The following BPTF variants were observed in gnomAD, a reference collection of about 807,000 sequenced individuals.
BPTF encodes bromodomain PHD finger transcription factor.
Under a neutral mutation model 292.5 loss-of-function variants are expected in BPTF, and 18 were observed. The ratio of observed to expected loss-of-function variants is 0.06; its 90% CI spans 0.04 to 0.09. BPTF has a LOEUF of 0.09. Ranked by LOEUF, BPTF falls within the 10% of genes least tolerant of loss-of-function variation. The pLI is 1.00. For synonymous variants in BPTF, 1,225 were observed against 1,251.9 expected, an observed-to-expected ratio of 0.98 and a Z score of 0.45; for missense variants, 2,726 against 3,498.7, an observed-to-expected ratio of 0.78 and a Z score of 5.57.
At chr17:67,853,609 T>C (rs1368686679) in intron 1 of BPTF, among the ~76,000 whole-genome samples, 1 of 151,930 alleles carries the variant, frequency 6.6e-6, no homozygotes, top group Non-Finnish European at 1.5e-5. Flanking sequence ...TTATTATTAT[T>C]ATTATTATTT....
At chr17:67,875,448 A>G (rs2059996406) in intron 4 of BPTF, 5 of 792,796 alleles carry the variant, frequency 6.3e-6, no homozygotes, top group South Asian at 3.7e-5. Flanking sequence ...TGGCCGTTCA[A>G]TGGAAGCAGG....
chr17:67,827,797 G>T (rs1422096549), intron 1 of BPTF, among the ~76,000 whole-genome samples: 1 of 152,164 alleles, frequency 6.6e-6, no homozygotes, highest in Non-Finnish European at 1.5e-5. Context: ...CTTTTGCCCA[G>T]TGGTCAGAAT....
intron 1 of BPTF, among the ~76,000 whole-genome samples, chr17:67,851,846 T>G (rs79602862): frequency 6.6e-6 from 1 of 152,146 alleles, no homozygotes; most frequent in Admixed American, 6.6e-5. Flanking sequence ...TTTTTTCCAT[T>G]GAGGAGTCTG....
At chr17:67,943,951 A>C (rs190107015) in intron 19 of BPTF, among the ~76,000 whole-genome samples, 199 bp from the exon 20 acceptor site, 1 of 152,280 alleles carries the variant, frequency 6.6e-6, no homozygotes, top group African/African-American at 2.4e-5. Flanking sequence ...CTTGAACTGG[A>C]ACTCTGGATT....
rs776209888 is a variant in BPTF, at chr17:67,826,126, G to A, written c.402G>A (p.Glu134=). 1.4e-6 allele frequency: 2 copies of A among 1,419,786 alleles called. No individual in the cohort carries two copies. The highest frequency in any genetic ancestry group is 9.9e-7 in the Non-Finnish European group (1 of 1,009,560). 87.9% of individuals were successfully genotyped at this position (1,419,786 alleles called of 1,614,324 possible). A position where few individuals can be genotyped will look rare whatever the true frequency, so the allele number is the denominator to read the frequency against. ...ACGATGACCACGAGAGCGAGGAGGA[G>A]GAGGAAGAGGAGGACATGGTCTCCG... is the stretch of plus-strand genomic sequence containing the variant. ...VVYDDHESEE[E]EEEEDMVSEE... The change falls in exon 1 of 28, where the codon GAG becomes GAA. Residue 134 remains glutamate, a synonymous_variant. Transcript: ENST00000306378.
Position 67,891,997 on chromosome 17 carries a change from C to G in BPTF, c.2018C>G (p.Ala673Gly). 6.2e-7 allele frequency: 1 copy of G among 1,605,468 alleles called. No homozygotes were observed. The highest frequency in any genetic ancestry group is 2.3e-5 in the East Asian group (1 of 44,052). ...QLKSQQVAAA[A>G]HEANKLFKEG... ...AAGAGCCAGCAGGTGGCAGCCGCTGCACATGAAGCAAATAAATTATTTAAG... is the reference window on the plus strand; with the variant it reads ...AAGAGCCAGCAGGTGGCAGCCGCTGGACATGAAGCAAATAAATTATTTAAG... The change falls in exon 5 of 28, where the codon GCA (alanine) becomes GGA (glycine). Residue 673 changes from alanine to glycine, a missense_variant. Physicochemically the swap from Ala to Gly is moderately conservative, Grantham distance 60 (BLOSUM62 0). Transcript: ENST00000306378.
At chr17:67,838,231 C>G (rs1355713064) in intron 1 of BPTF, among the ~76,000 whole-genome samples, 1 of 152,200 alleles carries the variant, frequency 6.6e-6, no homozygotes, top group Non-Finnish European at 1.5e-5. Flanking sequence ...CAGGCTGTGG[C>G]TGGCCATAGT....
At chr17:67,933,719 A>G (rs2064638181) in intron 18 of BPTF, among the ~76,000 whole-genome samples, 2 of 152,220 alleles carry the variant, frequency 1.3e-5, no homozygotes, top group South Asian at 4.1e-4. Context: ...CAATTAAACT[A>G]TGTATCAACT....
chr17:67,867,040 C>T (rs938823010), intron 3 of BPTF, among the ~76,000 whole-genome samples: 23 of 152,200 alleles, frequency 1.5e-4, no homozygotes, highest in South Asian at 2.1e-4. Flanking sequence ...TACGTATAAT[C>T]TTATGTGATC....
intron 20 of BPTF, 197 bp downstream of exon 20, chr17:67,944,569 C>CCTCT: frequency 1.7e-6 from 1 of 598,728 alleles, no homozygotes; most frequent in South Asian, 2.0e-5. Flanking sequence ...TTACCACCAC[C>CCTCT]CTCTCCCTCC....
chr17:67,837,431 G>A (rs1185922505), intron 1 of BPTF, among the ~76,000 whole-genome samples: 2 of 149,316 alleles, frequency 1.3e-5, no homozygotes, highest in African/African-American at 4.9e-5. Flanking sequence ...TTTTTGAGAT[G>A]GAGTCTTGCT....
At chr17:67,829,697 T>G (rs1376766887) in intron 1 of BPTF, among the ~76,000 whole-genome samples, 1 of 152,194 alleles carries the variant, frequency 6.6e-6, no homozygotes, top group African/African-American at 2.4e-5. Flanking sequence ...AGAAGTATGA[T>G]TGATGAGTTT....
At chr17:67,954,085 C>T (rs1177528947) in intron 23 of BPTF, among the ~76,000 whole-genome samples, 5 of 144,192 alleles carry the variant, frequency 3.5e-5, no homozygotes, top group Non-Finnish European at 7.5e-5. Flanking sequence ...CTACCCAGAT[C>T]AGTCAGTCCT....
chr17:67,953,319 C>A (rs182597130), intron 23 of BPTF, among the ~76,000 whole-genome samples: 26 of 149,486 alleles, frequency 1.7e-4, no homozygotes, highest in African/African-American at 6.4e-4. Context: ...TGCAATGGCG[C>A]GATCTCGGCT....
chr17:67,883,246 G>A (rs1429529550), intron 4 of BPTF, among the ~76,000 whole-genome samples: 1 of 151,534 alleles, frequency 6.6e-6, no homozygotes, highest in Admixed American at 6.6e-5. Context: ...AACCCAGGAG[G>A]CAGAGGTTGC....
At chr17:67,970,163 G>T (rs2068604773) in intron 26 of BPTF, among the ~76,000 whole-genome samples, 1 of 151,890 alleles carries the variant, frequency 6.6e-6, no homozygotes, top group African/African-American at 2.4e-5. Context: ...AACCTGGGAG[G>T]TGGAGGTTGC....
At chr17:67,963,631 A>G (rs1247084765) in intron 24 of BPTF, 4 of 1,063,438 alleles carry the variant, frequency 3.8e-6, no homozygotes, top group Admixed American at 7.9e-5. Context: ...TACATTACAA[A>G]TTCCTTTTCA....
intron 5 of BPTF, among the ~76,000 whole-genome samples, chr17:67,892,411 A>G (rs1276894958): frequency 6.6e-6 from 1 of 152,228 alleles, no homozygotes; most frequent in Non-Finnish European, 1.5e-5. Context: ...AGCTATGATC[A>G]CTTCAGGTGA....
At chr17:67,952,695 G>T (rs373067728) in intron 23 of BPTF, among the ~76,000 whole-genome samples, 22 of 152,022 alleles carry the variant, frequency 1.4e-4, no homozygotes, top group African/African-American at 4.8e-4. Flanking sequence ...AGCCAATAGT[G>T]ATTATTATTA....
Sources: gnomAD v4.1 joint callset for allele counts (sites outside exome capture counted in the v4.1 genomes callset) on GRCh38, gnomAD v4.1.1 for gene constraint, MANE v1.5 for transcripts, NCBI Gene and HGNC (gene_info 2026-07-23, HGNC 2026-07-21) for gene names.